Variants in NSF observed in about 807,000 individuals in gnomAD.
The protein encoded by NSF is N-ethylmaleimide sensitive factor, vesicle fusing ATPase.
Under a neutral mutation model 50.3 loss-of-function variants are expected in NSF, and 14 were observed. That is an observed-to-expected ratio of 0.28 (90% CI 0.18 to 0.44). The LOEUF is 0.44. Among genes scored for constraint, NSF ranks in the 20% least tolerant of loss-of-function variants. NSF has a pLI of 1.00. For missense variants in NSF, 218 were observed against 504.3 expected (o/e 0.43, Z 5.44); for synonymous variants, 109 against 175.7 (o/e 0.62, Z 3.00).
intron 9 of NSF, among the ~76,000 whole-genome samples, chr17:46,685,594 CAG>C (rs1455356654): frequency 2.6e-5 from 4 of 151,124 alleles, no homozygotes; most frequent in East Asian, 3.9e-4. Context: ...ATGTTAAAAA[CAG>C]AGCTAGAAGC....
At chr17:46,621,359 T>C (rs1435467792) in intron 1 of NSF, among the ~76,000 whole-genome samples, 1 of 136,626 alleles carries the variant, frequency 7.3e-6, no homozygotes, top group Non-Finnish European at 1.6e-5. Flanking sequence ...CGATCTCAGC[T>C]CACTGCAAGC....
intron 17 of NSF, among the ~76,000 whole-genome samples, chr17:46,732,665 C>G (rs966807152): frequency 1.1e-4 from 16 of 152,154 alleles, no homozygotes; most frequent in African/African-American, 3.9e-4. Flanking sequence ...AAAACATCAT[C>G]ACATTTTGTT....
At chr17:46,633,161 T>TG (rs1379454624) in intron 4 of NSF, among the ~76,000 whole-genome samples, 2 of 98,536 alleles carry the variant, frequency 2.0e-5, no homozygotes, top group African/African-American at 8.3e-5. Flanking sequence ...TTATTAGAGA[T>TG]GGGGTTTCAC....
rs2059222900 is a variant in NSF, at chr17:46,755,392, G to A, written c.2213+23G>A. On this transcript the variant is annotated intron_variant, in intron 20 of 20. Coordinates refer to ENST00000398238, the MANE Select transcript of NSF (RefSeq NM_006178.4). ...AGCGTAAGTACATACAACATTTAAT[G>A]ACCATCAACCAAACTTACCACCCTG... 1.9e-6 allele frequency: 3 copies of A among 1,597,294 alleles called. No homozygotes were observed. In the Admixed American group the frequency reaches 5.0e-5, roughly 27 times the overall value.
intron 1 of NSF, among the ~76,000 whole-genome samples, chr17:46,610,127 T>G (rs1313646230): frequency 2.4e-5 from 2 of 83,198 alleles, no homozygotes; most frequent in East Asian, 5.6e-4. Flanking sequence ...CTCTCTCTCT[T>G]CCTTTCTTCC....
At chr17:46,609,811 G>C (rs563867471) in intron 1 of NSF, among the ~76,000 whole-genome samples, 1 of 140,558 alleles carries the variant, frequency 7.1e-6, no homozygotes, top group African/African-American at 2.6e-5. Flanking sequence ...TAATATTCTC[G>C]GGTGTCTCAC....
At chr17:46,739,111 C>T (rs553166639) in intron 17 of NSF, among the ~76,000 whole-genome samples, 5 of 151,050 alleles carry the variant, frequency 3.3e-5, no homozygotes, top group Admixed American at 6.6e-5. Context: ...GGCTCACACC[C>T]GTAATCCCAG....
At chr17:46,714,030 G>C in intron 15 of NSF, 44 bp downstream of exon 15, 1 of 1,500,674 alleles carries the variant, frequency 6.7e-7, no homozygotes, top group Non-Finnish European at 9.0e-7. Flanking sequence ...TCTCTTAAAT[G>C]TGTGTGTGTG....
intron 17 of NSF, among the ~76,000 whole-genome samples, chr17:46,733,286 C>T (rs116845508): frequency 0.014 from 2,086 of 152,200 alleles, 27 homozygotes; most frequent in East Asian, 0.023. Flanking sequence ...GGCCAGGTAA[C>T]TCTTCCTGCA....
intron 14 of NSF, 21 bp from the exon 15 acceptor site, chr17:46,713,824 TCCCCTGAC>T: frequency 6.3e-7 from 1 of 1,597,082 alleles, no homozygotes; most frequent in South Asian, 1.2e-5. Flanking sequence ...TTGGCTTTTT[TCCCCTGAC>T]TTGCTCATAT....
chr17:46,729,840 G>A (rs1394995794), intron 17 of NSF, among the ~76,000 whole-genome samples: 1 of 152,000 alleles, frequency 6.6e-6, no homozygotes, highest in Non-Finnish European at 1.5e-5. Context: ...TAAATGACTT[G>A]TCTTGGTTTT....
chr17:46,691,491 A>G (rs1255263819), intron 9 of NSF, among the ~76,000 whole-genome samples: 1 of 136,620 alleles, frequency 7.3e-6, no homozygotes, highest in Non-Finnish European at 1.6e-5. Flanking sequence ...GCTACTCAGG[A>G]AGCTGAGACA....
chr17:46,722,272 CTG>C, intron 15 of NSF: 1 of 929,574 alleles, frequency 1.1e-6, no homozygotes, highest in African/African-American at 1.6e-5. Context: ...TGGGGGGAGT[CTG>C]TAAGATACGG....
At position 46,713,855 on chromosome 17, in the gene NSF, C is replaced by A. The variant is rs769995234; in HGVS notation, c.1630C>A (p.Pro544Thr). The A allele has an allele frequency of 1.1e-5, 18 of 1,609,248 alleles. No individual in the cohort carries two copies. Among genetic ancestry groups the A allele is most frequent in the Non-Finnish European group, 1.5e-5 (18 of 1,178,810 alleles). ...GACTTGCTCATATCTTTATGCAGGC[C>A]CTCCTCACAGTGGGAAGACTGCTTT... ...TPLVSVLLEGPPHSGKTALAA... is the reference protein window; with the variant it reads ...TPLVSVLLEGTPHSGKTALAA... The change falls in exon 15 of 21, where the codon CCT becomes ACT. Residue 544 changes from proline (P) to threonine (T), a missense_variant and splice_region_variant. Physicochemically the swap from Pro to Thr is conservative, Grantham distance 38. This residue lies in a region of NSF where 209 missense variants were observed against 320.9 expected (regional missense o/e 0.65). Transcript: ENST00000398238.
chr17:46,726,471 A>G (rs2146292122), intron 15 of NSF, 78 bp from the exon 16 acceptor site: 1 of 1,318,954 alleles, frequency 7.6e-7, no homozygotes, highest in South Asian at 1.2e-5. Flanking sequence ...AGTATTGCTC[A>G]AGAAGTAACT....
chr17:46,749,940 A>G (rs745977780), intron 18 of NSF, 33 bp downstream of exon 18: 3 of 1,602,600 alleles, frequency 1.9e-6, no homozygotes, highest in Non-Finnish European at 2.6e-6. Context: ...CACACTGTTT[A>G]TAAGAAAGGA....
At chr17:46,743,544 G>T (rs1413164463) in intron 17 of NSF, among the ~76,000 whole-genome samples, 1 of 152,194 alleles carries the variant, frequency 6.6e-6, no homozygotes, top group Non-Finnish European at 1.5e-5. Context: ...GTGAGTGATG[G>T]GGCCTCTACT....
chr17:46,718,215 A>G (rs1475690598), intron 15 of NSF, among the ~76,000 whole-genome samples: 1 of 152,186 alleles, frequency 6.6e-6, no homozygotes, highest in African/African-American at 2.4e-5. Context: ...GTGAGTGCCA[A>G]AGGGCAGCCC....
At chr17:46,703,798 C>T (rs1386069619) in intron 12 of NSF, among the ~76,000 whole-genome samples, 1 of 146,192 alleles carries the variant, frequency 6.8e-6, no homozygotes, top group African/African-American at 2.5e-5. Flanking sequence ...GCAACCATCA[C>T]TACCATTCAT....
Sources: gnomAD v4.1 joint callset for allele counts (sites outside exome capture counted in the v4.1 genomes callset) on GRCh38, gnomAD v4.1.1 for gene constraint, gnomAD v4.1.1 regional missense constraint, MANE v1.5 for transcripts, NCBI Gene and HGNC (gene_info 2026-07-23, HGNC 2026-07-21) for gene names.